Variants in CTDSPL observed in about 807,000 individuals in gnomAD.
CTDSPL encodes the protein CTD small phosphatase-like protein.
A neutral mutation model predicts 30.5 loss-of-function variants in CTDSPL; 8 were observed. The ratio of observed to expected loss-of-function variants is 0.26; its 90% confidence interval spans 0.15 to 0.47. The LOEUF is 0.47. Ranked by LOEUF, CTDSPL falls within the 20% of genes least tolerant of loss-of-function variation. CTDSPL has a pLI of 0.99. For synonymous variants in CTDSPL, 110 were observed against 137.9 expected, an observed-to-expected ratio of 0.80 and a Z score of 1.42; for missense variants, 248 against 366.1, an observed-to-expected ratio of 0.68 and a Z score of 2.63.
intron 1 of CTDSPL, among the ~76,000 whole-genome samples, chr3:37,887,186 C>T (rs1300348912): frequency 6.6e-6 from 1 of 152,206 alleles, no homozygotes; most frequent in Non-Finnish European, 1.5e-5. Context: ...TACTCTTGGG[C>T]ATACTGTGAC....
intron 1 of CTDSPL, chr3:37,911,589 A>G (rs1698583332): frequency 2.3e-6 from 1 of 443,742 alleles, no homozygotes; most frequent in Non-Finnish European, 4.6e-6. Context: ...TGAACCCCCA[A>G]CATGAACCTT....
At chr3:37,929,200 G>C (rs1333910027) in intron 1 of CTDSPL, among the ~76,000 whole-genome samples, 6 of 152,162 alleles carry the variant, frequency 3.9e-5, no homozygotes. Flanking sequence ...TTGTTTTGAA[G>C]TCAGGAAGTG....
At chr3:37,920,656 C>T (rs962816009) in intron 1 of CTDSPL, among the ~76,000 whole-genome samples, 1 of 152,160 alleles carries the variant, frequency 6.6e-6, no homozygotes, top group Non-Finnish European at 1.5e-5. Context: ...TTTCAGTCTG[C>T]GAACATCCTT....
chr3:37,980,935 T>C lies in CTDSPL; in HGVS notation c.*68T>C. 1 of 1,542,528 alleles carries C rather than the reference T, an allele frequency of 6.5e-7. No homozygotes were observed. The highest frequency in any genetic ancestry group is 8.8e-7 in the Non-Finnish European group (1 of 1,134,662). On this transcript the variant is annotated 3_prime_UTR_variant, in exon 8 of 8. Transcript: ENST00000273179. Reference sequence around the variant, plus strand: ...CTGGCCTCAGGGGACCTGCCTGTCCTCAGCTCCCTGGGAGCTGAAAGTGAG... The same window carrying C: ...CTGGCCTCAGGGGACCTGCCTGTCCCCAGCTCCCTGGGAGCTGAAAGTGAG...
chr3:37,975,970 G>A lies in CTDSPL; in HGVS notation c.705+76G>A. 1 of 1,472,720 alleles carries A rather than the reference G, an allele frequency of 6.8e-7. No homozygotes were observed. 91.2% of individuals were successfully genotyped at this position (1,472,720 alleles called of 1,614,324 possible). On this transcript the variant is annotated intron_variant, in intron 7 of 7. Coordinates refer to ENST00000273179, the MANE Select transcript of CTDSPL (RefSeq NM_001008392.2). The surrounding 1 kb of genome is among the most constrained non-coding windows in gnomAD (Gnocchi z 4.9). ...CTTGCCAGGCAGGTACCACTTTTGA[G>A]CACCTACACAAGAAGGTCTCTGGGC...
intron 3 of CTDSPL, among the ~76,000 whole-genome samples, chr3:37,957,934 A>G (rs549725413): frequency 6.6e-6 from 1 of 152,356 alleles, no homozygotes; most frequent in Non-Finnish European, 1.5e-5. Context: ...GTATCAAACA[A>G]GACCTTTCAA....
At position 37,959,018 on chromosome 3, in the gene CTDSPL, G is replaced by C. The variant is rs1575318005; in HGVS notation, c.267+1875G>C. ...TGGTTCTGGCCTTTCTGGACCTCAG[G>C]GGGACCTGGTGAGTGCTGGGAGCCC... On this transcript the variant is annotated intron_variant, in intron 3 of 7. Coordinates refer to ENST00000273179, the MANE Select transcript of CTDSPL (RefSeq NM_001008392.2). Among the ~76,000 whole-genome samples the C allele has an allele frequency of 1.3e-5, 2 of 152,182 alleles. 1 individual carries two copies. Among genetic ancestry groups the C allele is most frequent in the East Asian group, 3.8e-4 (2 of 5,196 alleles).
chr3:37,886,973 G>A lies in CTDSPL; in HGVS notation c.79+24695G>A, dbSNP rs150757288. On this transcript the variant is annotated intron_variant, in intron 1 of 7. Coordinates refer to ENST00000273179, the MANE Select transcript of CTDSPL (RefSeq NM_001008392.2). The stretch of plus-strand genomic sequence containing the variant: ...TGCTTTAGAGCTCATTCTTTGGTTC[G>A]GCTTTCTCTTTTGAGCTCACTGATA... 1.2e-4 allele frequency among the ~76,000 whole-genome samples: 18 copies of A among 152,220 alleles called. No homozygotes were observed. The East Asian group carries it at 2.1e-3, about 18-fold the overall frequency.
At chr3:37,886,292 C>T (rs1279269005) in intron 1 of CTDSPL, among the ~76,000 whole-genome samples, 1 of 152,166 alleles carries the variant, frequency 6.6e-6, no homozygotes, top group Non-Finnish European at 1.5e-5. Flanking sequence ...TCCAAACCTT[C>T]CGCTTTACTT....
intron 1 of CTDSPL, among the ~76,000 whole-genome samples, chr3:37,886,486 A>G (rs1698264860): frequency 6.6e-6 from 1 of 152,082 alleles, no homozygotes; most frequent in Non-Finnish European, 1.5e-5. Context: ...TACTCATCTG[A>G]TCACCCCTTT....
chr3:37,978,477 CA>C (rs1699454162), intron 7 of CTDSPL, among the ~76,000 whole-genome samples: 1 of 152,146 alleles, frequency 6.6e-6, no homozygotes, highest in South Asian at 2.1e-4. Flanking sequence ...ACAGCTTATA[CA>C]CATAGCCTAA....
chr3:37,967,499 T>TC (rs1278451620), intron 4 of CTDSPL, among the ~76,000 whole-genome samples: 1 of 152,238 alleles, frequency 6.6e-6, no homozygotes, highest in Non-Finnish European at 1.5e-5. Context: ...TAGCAGTGAT[T>TC]CCCCATCACC....
chr3:37,943,617 T>C (rs547386064), intron 1 of CTDSPL, among the ~76,000 whole-genome samples: 1 of 150,428 alleles, frequency 6.6e-6, no homozygotes, highest in African/African-American at 2.4e-5. Flanking sequence ...ACCAATGTTA[T>C]GGGGAGATGT....
intron 3 of CTDSPL, among the ~76,000 whole-genome samples, chr3:37,962,293 T>C (rs754618791): frequency 2.0e-5 from 3 of 152,220 alleles, no homozygotes; most frequent in Non-Finnish European, 4.4e-5. Flanking sequence ...TTTGCATTAA[T>C]CTAAAGCCAA....
At chr3:37,870,193 G>A (rs188138859) in intron 1 of CTDSPL, among the ~76,000 whole-genome samples, 43 of 152,082 alleles carry the variant, frequency 2.8e-4, no homozygotes, top group Middle Eastern at 3.4e-3. Context: ...CGGAGGGATG[G>A]GGGTTGGGGG....
intron 1 of CTDSPL, among the ~76,000 whole-genome samples, chr3:37,936,492 A>T (rs1698916997): frequency 6.6e-6 from 1 of 152,062 alleles, no homozygotes; most frequent in South Asian, 2.1e-4. Context: ...TGGGAAAGGA[A>T]TGTAATGTAT....
At chr3:37,977,700 C>A (rs1699445012) in intron 7 of CTDSPL, among the ~76,000 whole-genome samples, 1 of 150,666 alleles carries the variant, frequency 6.6e-6, no homozygotes, top group African/African-American at 2.5e-5. Context: ...CCAGCCTGGG[C>A]AACATGGCAA....
chr3:37,934,973 C>T (rs184174929), intron 1 of CTDSPL, among the ~76,000 whole-genome samples: 1 of 152,300 alleles, frequency 6.6e-6, no homozygotes, highest in Non-Finnish European at 1.5e-5. Context: ...CTTGTACAGA[C>T]ATTCATTACC....
In CTDSPL at chr3:37,982,119, G is replaced by A. The variant is rs977820506; in HGVS notation, c.*1252G>A. ...TAAACTGCAGTCAGTATCAGATCCT[G>A]TTTGATAAATAAGCTGACTGTTCTC... On this transcript the variant is annotated 3_prime_UTR_variant, in exon 8 of 8. Transcript: ENST00000273179. The A allele has an allele frequency of 2.1e-5, 7 of 326,222 alleles. No homozygotes were observed. Among genetic ancestry groups the A allele is most frequent in the African/African-American group, 8.7e-5 (4 of 46,186 alleles). 20.2% of individuals were successfully genotyped at this position (326,222 alleles called of 1,614,324 possible). A position where few individuals can be genotyped will look rare whatever the true frequency, so the allele number is the denominator to read the frequency against.
Sources: allele counts gnomAD v4.1 joint callset (sites outside exome capture counted in the v4.1 genomes callset), GRCh38; gene constraint gnomAD v4.1.1; non-coding constraint Gnocchi (gnomAD v3.1); transcripts MANE v1.5; gene names NCBI Gene and HGNC (gene_info 2026-07-23, HGNC 2026-07-21).